Variants in GATA4 observed in about 807,000 individuals in gnomAD.
The protein encoded by GATA4 is transcription factor GATA-4.
Under a neutral mutation model 37.9 loss-of-function variants are expected in GATA4, and 7 were observed. That is an observed-to-expected ratio of 0.18 (90% CI 0.11 to 0.35). GATA4 has a LOEUF of 0.35. Among genes scored for constraint, GATA4 ranks in the 10% least tolerant of loss-of-function variants. The probability of loss-of-function intolerance (pLI) is 1.00; values close to 1 mark genes in which losing one functional copy is unlikely to be tolerated. For missense variants in GATA4, 647 were observed against 653.0 expected (o/e 0.99, Z 0.10); for synonymous variants, 372 against 292.6 (o/e 1.27, Z -2.77).
At chr8:11,701,459 G>A (rs888502260), upstream of GATA4, among the ~76,000 whole-genome samples, 7 of 152,098 alleles carry the variant, frequency 4.6e-5, no homozygotes, top group African/African-American at 1.7e-4. Context: ...CGAGAGAGAA[G>A]CCTGGGAACC....
At chr8:11,731,331 C>G (rs992133464) in intron 2 of GATA4, among the ~76,000 whole-genome samples, 1 of 152,192 alleles carries the variant, frequency 6.6e-6, no homozygotes, top group Non-Finnish European at 1.5e-5. Context: ...GTGGAAGTAG[C>G]CTAGGTGTCC....
chr8:11,736,382 A>T (rs1007408708), intron 2 of GATA4, among the ~76,000 whole-genome samples: 3 of 152,228 alleles, frequency 2.0e-5, no homozygotes, highest in Non-Finnish European at 4.4e-5. Flanking sequence ...GACCAGACCA[A>T]GAGAGGTGAA....
At position 11,708,738 on chromosome 8, in the gene GATA4, C is replaced by A; in HGVS notation, c.426C>A (p.Gly142=). 8.3e-6 allele frequency: 11 copies of A among 1,318,072 alleles called. No individual in the cohort carries two copies. Among genetic ancestry groups the A allele is most frequent in the South Asian group, 2.2e-5 (1 of 46,358 alleles). The allele number at this position is 1,318,072 out of a possible 1,614,324, so 81.6% of individuals were successfully genotyped here. ...GTGGCGGCGGAGCGGCGGGTGCGGG[C>A]CTGGCGGGCCGCGAGCAGTACGGGC... ...YSSGGGAAGA[G]LAGREQYGRA... Residue 142 remains glycine, a synonymous_variant, in exon 2 of 7, where the codon GGC becomes GGA. Transcript: ENST00000532059. This position sits in a 1 kb window ranked among gnomAD's most constrained non-coding sequence, Gnocchi z 6.7.
intron 2 of GATA4, among the ~76,000 whole-genome samples, chr8:11,745,483 G>T (rs1012195170): frequency 6.6e-6 from 1 of 151,996 alleles, no homozygotes; most frequent in South Asian, 2.1e-4. Context: ...ATACTTGGGA[G>T]GCTGAGGTGG....
At chr8:11,680,183 T>C (rs1267318680) in intron 1 of GATA4, among the ~76,000 whole-genome samples, 1 of 152,212 alleles carries the variant, frequency 6.6e-6, no homozygotes, top group Non-Finnish European at 1.5e-5. Flanking sequence ...TAGGCCGCTC[T>C]GGGGCCGCTT....
chr8:11,737,863 A>T (rs796458927), intron 2 of GATA4, among the ~76,000 whole-genome samples: 12 of 152,326 alleles, frequency 7.9e-5, no homozygotes, highest in African/African-American at 2.9e-4. Flanking sequence ...CCCCTGACAT[A>T]TTTATGTATT....
rs550124832 is a variant in GATA4, at chr8:11,709,335, C to A, written c.616+407C>A. Among the ~76,000 whole-genome samples, 2 of 152,226 alleles carry A rather than the reference C, an allele frequency of 1.3e-5. No homozygotes were observed. The highest frequency in any genetic ancestry group is 4.8e-5 in the African/African-American group (2 of 41,462). ...CTGAGTTTCTGCGCCCCTTTCCTCCCCGCCCGCCCTCGGGCCTCCGCAGGG... is the reference window on the plus strand; with the variant it reads ...CTGAGTTTCTGCGCCCCTTTCCTCCACGCCCGCCCTCGGGCCTCCGCAGGG... On this transcript the variant is annotated intron_variant, in intron 2 of 6. Transcript: ENST00000532059. The surrounding 1 kb of genome is among the most constrained non-coding windows in gnomAD (Gnocchi z 4.3).
intron 1 of GATA4, among the ~76,000 whole-genome samples, chr8:11,706,939 A>T (rs1003729514): frequency 3.9e-5 from 6 of 152,210 alleles, no homozygotes; most frequent in African/African-American, 1.4e-4. Flanking sequence ...TTTATCAGAA[A>T]AATTGCCTGA....
At chr8:11,678,133 A>C (rs58467083) in intron 1 of GATA4, among the ~76,000 whole-genome samples, 3,550 of 151,936 alleles carry the variant, frequency 0.023, 149 homozygotes, top group African/African-American at 0.081. Flanking sequence ...AGGCTCTGAG[A>C]GTTTGAAACC....
intron 2 of GATA4, among the ~76,000 whole-genome samples, chr8:11,743,407 A>T (rs1177518405): frequency 6.6e-6 from 1 of 152,208 alleles, no homozygotes; most frequent in African/African-American, 2.4e-5. Context: ...GTCTTCCAAC[A>T]CAGGCTGGGG....
chr8:11,695,746 A>G (rs1019346424), intron 1 of GATA4, among the ~76,000 whole-genome samples: 2 of 152,142 alleles, frequency 1.3e-5, no homozygotes, highest in Non-Finnish European at 2.9e-5. Flanking sequence ...ATGTGAGAGG[A>G]GGATAACCCT....
At chr8:11,728,571 C>T (rs1026157121) in intron 2 of GATA4, among the ~76,000 whole-genome samples, 2 of 150,666 alleles carry the variant, frequency 1.3e-5, no homozygotes, top group African/African-American at 2.4e-5. Context: ...TCTGTAGGGG[C>T]AGGGTCTTGC....
intron 2 of GATA4, among the ~76,000 whole-genome samples, chr8:11,746,824 C>T (rs1802056883): frequency 6.6e-6 from 1 of 152,230 alleles, no homozygotes; most frequent in African/African-American, 2.4e-5. Context: ...GTAAAAATAG[C>T]CTCTGCTGTG....
At chr8:11,752,357 CCA>C (rs2130324235) in intron 4 of GATA4, among the ~76,000 whole-genome samples, 1 of 152,314 alleles carries the variant, frequency 6.6e-6, no homozygotes, top group Non-Finnish European at 1.5e-5. Flanking sequence ...ACTCACAGTT[CCA>C]CATCGCTGGG....
rs1440348656 is a variant in GATA4, at chr8:11,708,832, G to T, written c.520G>T (p.Ala174Ser). ...CATGGCCGACGTGGGCGCGTCCTGG[G>T]CCGCAGCCGCCGCCGCCTCCGCCGG... is the stretch of plus-strand genomic sequence containing the variant. ...AYMADVGASW[A>S]AAAAASAGPF... The change falls in exon 2 of 7, where the codon GCC (alanine) becomes TCC (serine). Residue 174 changes from alanine (A) to serine (S), a missense_variant. Ala to Ser is a moderately conservative substitution (Grantham distance 99). Around this residue, in one of 5 missense-constraint regions of GATA4, gnomAD observed 379 missense variants for 334.5 expected, o/e 1.13. Coordinates refer to ENST00000532059, the MANE Select transcript of GATA4 (RefSeq NM_001308093.3). This position sits in a 1 kb window ranked among gnomAD's most constrained non-coding sequence, Gnocchi z 6.7. 2 of 1,495,214 alleles carry T rather than the reference G, an allele frequency of 1.3e-6. No individual in the cohort carries two copies. Among genetic ancestry groups the T allele is most frequent in the Admixed American group, 4.3e-5 (2 of 46,448 alleles). 92.6% of individuals were successfully genotyped at this position (1,495,214 alleles called of 1,614,324 possible).
intron 2 of GATA4, among the ~76,000 whole-genome samples, chr8:11,724,720 G>C (rs1232612784): frequency 8.3e-6 from 1 of 120,802 alleles, no homozygotes; most frequent in Non-Finnish European, 1.7e-5. Context: ...GCACAAAGAA[G>C]TGTGTGTGTG....
chr8:11,709,021 T>G lies in GATA4; in HGVS notation c.616+93T>G. ...GGCCTCTTGTTTTTCCACCAACGCC[T>G]TCGTTGGGCTGGGGATGGTGCTTCA... On this transcript the variant is annotated intron_variant, in intron 2 of 6. Transcript: ENST00000532059. This position sits in a 1 kb window ranked among gnomAD's most constrained non-coding sequence, Gnocchi z 4.3. 7.8e-7 allele frequency: 1 copy of G among 1,274,154 alleles called. No homozygotes were observed. The highest frequency in any genetic ancestry group is 1.0e-6 in the Non-Finnish European group (1 of 960,244). The allele number at this position is 1,274,154 out of a possible 1,614,324, so 78.9% of individuals were successfully genotyped here.
At chr8:11,703,024 G>T (rs181421440), upstream of GATA4, among the ~76,000 whole-genome samples, 22 of 152,316 alleles carry the variant, frequency 1.4e-4, no homozygotes, top group Middle Eastern at 6.8e-3. Flanking sequence ...CTCAGGCTGG[G>T]AATCCACGAT....
upstream of GATA4, among the ~76,000 whole-genome samples, chr8:11,690,914 C>G (rs766452507): frequency 6.6e-6 from 1 of 152,248 alleles, no homozygotes; most frequent in Admixed American, 6.5e-5. Context: ...ATACCCTGCA[C>G]AATACCAATG....
Sources: gnomAD v4.1 joint callset for allele counts (sites outside exome capture counted in the v4.1 genomes callset) on GRCh38, gnomAD v4.1.1 for gene constraint, gnomAD v4.1.1 regional missense constraint, Gnocchi (gnomAD v3.1) non-coding constraint, MANE v1.5 for transcripts, NCBI Gene and HGNC (gene_info 2026-07-23, HGNC 2026-07-21) for gene names.